PCDHA8: variants seen among roughly 807,000 people sequenced by gnomAD.
The protein encoded by PCDHA8 is protocadherin alpha 8, also known as protocadherin alpha-8.
A neutral mutation model predicts 61.8 loss-of-function variants in PCDHA8; 53 were observed. That is an observed-to-expected ratio of 0.86 (90% CI 0.69 to 1.08). The LOEUF is 1.08. PCDHA8 is among the 50% of genes least tolerant of loss of function. The probability of loss-of-function intolerance (pLI) is 0.00; values close to 1 mark genes in which losing one functional copy is unlikely to be tolerated. For missense variants in PCDHA8, 1,293 were observed against 1,245.0 expected (o/e 1.04, Z -0.58); for synonymous variants, 618 against 556.6 (o/e 1.11, Z -1.55).
chr5:140,927,805 C>T (rs2084654444), intron 1 of PCDHA8: 1 of 1,614,074 alleles, frequency 6.2e-7, no homozygotes, highest in South Asian at 1.1e-5. Context: ...GCCTGAAACG[C>T]TCTTGGAGGC....
At chr5:141,001,451 A>T (rs2098018648) in intron 3 of PCDHA8, among the ~76,000 whole-genome samples, 1 of 152,310 alleles carries the variant, frequency 6.6e-6, no homozygotes, top group African/African-American at 2.4e-5. Flanking sequence ...TTCCACTGTC[A>T]ATTGAAGGAC....
chr5:140,871,925 T>C (rs1554165953), intron 1 of PCDHA8, among the ~76,000 whole-genome samples: 1 of 152,244 alleles, frequency 6.6e-6, no homozygotes, highest in African/African-American at 2.4e-5. Flanking sequence ...TTCCACATTG[T>C]TAGATCAACT....
intron 1 of PCDHA8, chr5:140,848,643 C>CAGG (rs2150415990): frequency 1.3e-6 from 2 of 1,593,132 alleles, no homozygotes; most frequent in African/African-American, 2.7e-5. Context: ...CCGCATCGCG[C>CAGG]AGGACCTGGG....
In PCDHA8 at chr5:140,842,731, G is replaced by A. The variant is rs202126810; in HGVS notation, c.1410G>A (p.Pro470=). Reference sequence around the variant, plus strand: ...TGTTCGTGAAGGAGAACAACCCGCCGGGCTGCCACATCTTCACGGTGTCTG... The same window carrying A: ...TGTTCGTGAAGGAGAACAACCCGCCAGGCTGCCACATCTTCACGGTGTCTG... The part of the protein sequence containing the change: ...YTVFVKENNP[P]GCHIFTVSAR... Residue 470 remains proline, a synonymous_variant, in exon 1 of 4, where the codon CCG becomes CCA. Coordinates refer to ENST00000531613, the MANE Select transcript of PCDHA8 (RefSeq NM_018911.3). The A allele has an allele frequency of 1.1e-5, 17 of 1,594,938 alleles. 3 individuals are homozygous for A. The highest frequency in any genetic ancestry group is 5.1e-5 in the Admixed American group (3 of 59,276).
intron 1 of PCDHA8, among the ~76,000 whole-genome samples, chr5:140,846,903 G>A (rs941589214): frequency 2.7e-5 from 4 of 149,652 alleles, no homozygotes; most frequent in Non-Finnish European, 6.0e-5. Flanking sequence ...GAAGTTGAAA[G>A]ACAATCATTT....
intron 1 of PCDHA8, chr5:140,884,122 G>C: frequency 1.2e-6 from 2 of 1,613,306 alleles, no homozygotes. Flanking sequence ...CGGTCGGCGC[G>C]CGCATCCCGT....
intron 3 of PCDHA8, among the ~76,000 whole-genome samples, chr5:140,999,965 T>C (rs1439660759): frequency 1.3e-5 from 2 of 151,684 alleles, no homozygotes; most frequent in African/African-American, 4.8e-5. Flanking sequence ...TACCCAGGAG[T>C]AGCAGCTCTA....
chr5:140,931,649 G>A (rs2087653878), intron 1 of PCDHA8, among the ~76,000 whole-genome samples: 1 of 151,904 alleles, frequency 6.6e-6, no homozygotes, highest in African/African-American at 2.4e-5. Context: ...GCTAATAATT[G>A]TTGTGGGCTG....
Position 140,884,183 on chromosome 5 carries a change from G to T in PCDHA8, c.2394+40468G>T, listed in dbSNP as rs201206731. 6.2e-6 allele frequency: 10 copies of T among 1,613,306 alleles called. No individual in the cohort carries two copies. The East Asian group carries it at 6.7e-5, about 11-fold the overall frequency. The stretch of plus-strand genomic sequence containing the variant: ...GATCAGCACGACGCGCCCTCTGGAC[G>T]AGGTGGACGCGCCGCACCACCGCCT... On this transcript the variant is annotated intron_variant, in intron 1 of 3. Transcript: ENST00000531613.
At chr5:140,993,883 A>G (rs1256857317) in intron 3 of PCDHA8, among the ~76,000 whole-genome samples, 1 of 152,228 alleles carries the variant, frequency 6.6e-6, no homozygotes, top group East Asian at 1.9e-4. Flanking sequence ...AGTACGCTCT[A>G]TGATGTCCAT....
Position 140,856,846 on chromosome 5 carries a change from T to C in PCDHA8, c.2394+13131T>C. On this transcript the variant is annotated intron_variant, in intron 1 of 3. Coordinates refer to ENST00000531613, the MANE Select transcript of PCDHA8 (RefSeq NM_018911.3). Reference sequence around the variant, plus strand: ...CATTAGTAATACGGCTCAACGCTTCTGATTCGGATGAAGGAATAAACAAGG... The same window carrying C: ...CATTAGTAATACGGCTCAACGCTTCCGATTCGGATGAAGGAATAAACAAGG... 3.8e-6 allele frequency: 6 copies of C among 1,593,220 alleles called. 1 individual carries two copies. Among genetic ancestry groups the C allele is most frequent in the Non-Finnish European group, 5.2e-6 (6 of 1,163,214 alleles).
rs557916636 is a variant in PCDHA8, at chr5:141,000,518, C to G, written c.2543-9109C>G. The stretch of plus-strand genomic sequence containing the variant: ...TCTCGGCTCACTGCAACCTCCTTCT[C>G]CAGGGTTCAAGTGATTCTCATGCCT... On this transcript the variant is annotated intron_variant, in intron 3 of 3. Transcript: ENST00000531613. Among the ~76,000 whole-genome samples the G allele has an allele frequency of 6.9e-4, 100 of 144,062 alleles. 3 individuals are homozygous for G. In the South Asian group the frequency reaches 0.021, roughly 31 times the overall value. 94.5% of individuals were successfully genotyped at this position (144,062 alleles called of 152,430 possible). A position where few individuals can be genotyped will look rare whatever the true frequency, so the allele number is the denominator to read the frequency against.
At chr5:141,002,203 G>T (rs2153973237) in intron 3 of PCDHA8, among the ~76,000 whole-genome samples, 1 of 152,296 alleles carries the variant, frequency 6.6e-6, no homozygotes, top group East Asian at 1.9e-4. Flanking sequence ...ATAGTCCCCG[G>T]CTTTAATCAA....
intron 1 of PCDHA8, among the ~76,000 whole-genome samples, chr5:140,903,182 G>A (rs1030121963): frequency 1.3e-5 from 2 of 152,164 alleles, no homozygotes; most frequent in Non-Finnish European, 2.9e-5. Flanking sequence ...CCCACCAATA[G>A]TATAAAAGAG....
intron 1 of PCDHA8, among the ~76,000 whole-genome samples, chr5:140,908,977 A>T (rs1461491727): frequency 6.6e-6 from 1 of 152,168 alleles, no homozygotes; most frequent in Non-Finnish European, 1.5e-5. Context: ...GCCCCACTCC[A>T]CTGGACCCCT....
At chr5:140,865,241 T>C (rs1581737051) in intron 1 of PCDHA8, 1 of 152,220 alleles carries the variant, frequency 6.6e-6, no homozygotes, top group Non-Finnish European at 1.5e-5. Context: ...AACACGTATT[T>C]ATAGCTGTAA....
intron 1 of PCDHA8, among the ~76,000 whole-genome samples, chr5:140,902,102 GA>G (rs782818661): frequency 1.3e-5 from 2 of 151,098 alleles, no homozygotes; most frequent in Non-Finnish European, 2.9e-5. Context: ...GGAGTCTTTA[GA>G]TTTTTTTAAA....
intron 1 of PCDHA8, among the ~76,000 whole-genome samples, chr5:140,931,051 G>A (rs1460771235): frequency 6.6e-6 from 1 of 152,134 alleles, no homozygotes; most frequent in African/African-American, 2.4e-5. Flanking sequence ...AAACTTCAAT[G>A]CTGTGTCTGG....
At chr5:140,877,280 A>G (rs782014601) in intron 1 of PCDHA8, 14 of 1,613,734 alleles carry the variant, frequency 8.7e-6, no homozygotes, top group Non-Finnish European at 1.2e-5. Context: ...GACTCCGGCT[A>G]TAACGCTTGG....
Sources: allele counts gnomAD v4.1 joint callset (sites outside exome capture counted in the v4.1 genomes callset), GRCh38; gene constraint gnomAD v4.1.1; transcripts MANE v1.5; gene names NCBI Gene and HGNC (gene_info 2026-07-23, HGNC 2026-07-21).